GEN1: variants seen among roughly 807,000 people sequenced by gnomAD.
The protein encoded by GEN1 is flap endonuclease GEN homolog 1.
Under a neutral mutation model 67.6 loss-of-function variants are expected in GEN1, and 64 were observed. The ratio of observed to expected loss-of-function variants is 0.95; its 90% CI spans 0.77 to 1.17. The LOEUF (loss-of-function observed/expected upper bound fraction) is 1.17, where lower values mean the gene tolerates loss of function less well. GEN1 is among the 50% of genes most tolerant of loss of function. The probability of loss-of-function intolerance (pLI) is 0.00; values close to 1 mark genes in which losing one functional copy is unlikely to be tolerated. For missense variants in GEN1, 1,058 were observed against 1,048.3 expected, an observed-to-expected ratio of 1.01 and a Z score of -0.13; for synonymous variants, 371 against 359.4, an observed-to-expected ratio of 1.03 and a Z score of -0.37.
At chr2:17,756,928 G>A (rs565271777) in intron 1 of GEN1, among the ~76,000 whole-genome samples, 4 of 152,124 alleles carry the variant, frequency 2.6e-5, no homozygotes, top group South Asian at 4.2e-4. Context: ...TATCACTTCC[G>A]CGGAACAGCT....
chr2:17,776,132 A>T (rs1672416201), intron 11 of GEN1, among the ~76,000 whole-genome samples: 1 of 151,714 alleles, frequency 6.6e-6, no homozygotes, highest in African/African-American at 2.4e-5. Flanking sequence ...AAAAAAAAAA[A>T]AAAAGGAAAG....
At chr2:17,764,855 G>A (rs748416057) in intron 3 of GEN1, 42 bp from the exon 4 acceptor site, 2 of 1,567,334 alleles carry the variant, frequency 1.3e-6, no homozygotes, top group African/African-American at 2.7e-5. Context: ...AATGAGCAGT[G>A]AAAACATTCT....
At chr2:17,753,620 C>G (rs1368613814), upstream of GEN1, 1 of 152,280 alleles carries the variant, frequency 6.6e-6, no homozygotes, top group African/African-American at 2.4e-5. Context: ...CGCGCCTTCA[C>G]CCTACCGCCA....
At chr2:17,761,937 A>G (rs2125122403) in intron 3 of GEN1, among the ~76,000 whole-genome samples, 1 of 152,290 alleles carries the variant, frequency 6.6e-6, no homozygotes, top group East Asian at 1.9e-4. Flanking sequence ...CACCTTCAGG[A>G]CTTAAAGAAG....
chr2:17,754,151 C>T lies in GEN1; in HGVS notation c.-210C>T, dbSNP rs895014509. On this transcript the variant is annotated 5_prime_UTR_variant, in exon 1 of 14. In the 5' UTR this introduces an upstream ATG that the reference lacks. Coordinates refer to ENST00000381254, the MANE Select transcript of GEN1 (RefSeq NM_001130009.3). Reference sequence around the variant, plus strand: ...CGCGGGCCCGGCGCTGGATTCGAAACGCTTCCTGGTGCTCCTGGGCCTGGC... The same window carrying T: ...CGCGGGCCCGGCGCTGGATTCGAAATGCTTCCTGGTGCTCCTGGGCCTGGC... 7 of 152,100 alleles carry T rather than the reference C, an allele frequency of 4.6e-5. No homozygotes were observed. Among genetic ancestry groups the T allele is most frequent in the African/African-American group, 1.5e-4 (6 of 41,360 alleles). 9.4% of individuals were successfully genotyped at this position (152,100 alleles called of 1,614,324 possible). A position where few individuals can be genotyped will look rare whatever the true frequency, so the allele number is the denominator to read the frequency against.
chr2:17,764,823 G>C, intron 3 of GEN1, 74 bp from the exon 4 acceptor site: 1 of 1,340,734 alleles, frequency 7.5e-7, no homozygotes, highest in Non-Finnish European at 1.0e-6. Context: ...TTGTAATACA[G>C]AAATAGGTTT....
At chr2:17,760,135 A>G in intron 2 of GEN1, 31 bp downstream of exon 2, 2 of 1,593,812 alleles carry the variant, frequency 1.3e-6, no homozygotes, top group Non-Finnish European at 1.7e-6. Context: ...GTATAAATGT[A>G]TGATGTATAA....
At position 17,772,678 on chromosome 2, in the gene GEN1, A is replaced by G. The variant is rs1249918951; in HGVS notation, c.847A>G (p.Ser283Gly). The change falls in exon 8 of 14, where the codon AGT becomes GGT. Residue 283 changes from serine to glycine, a missense_variant. Ser to Gly is a moderately conservative substitution (Grantham distance 56). Coordinates refer to ENST00000381254, the MANE Select transcript of GEN1 (RefSeq NM_001130009.3). ...ACGTAATGGATGCAGATTATGTAAA[A>G]GTGATAAATATTGTGAGCCACATGA... The part of the protein sequence containing the change: ...HERNGCRLCK[S>G]DKYCEPHDYE... 1 of 1,612,226 alleles carries G rather than the reference A, an allele frequency of 6.2e-7. No homozygotes were observed. The highest frequency in any genetic ancestry group is 1.1e-5 in the South Asian group (1 of 90,912).
intron 3 of GEN1, among the ~76,000 whole-genome samples, chr2:17,763,955 A>G (rs1429735672): frequency 6.6e-6 from 1 of 152,240 alleles, no homozygotes; most frequent in Non-Finnish European, 1.5e-5. Context: ...TCTAGAAACT[A>G]CAAGTAAGTA....
intron 10 of GEN1, 106 bp from the exon 11 acceptor site, chr2:17,774,165 C>A: frequency 3.9e-6 from 2 of 506,810 alleles, no homozygotes; most frequent in Non-Finnish European, 6.5e-6. Flanking sequence ...ATTGATACTA[C>A]TTTAACTTAC....
intron 12 of GEN1, among the ~76,000 whole-genome samples, chr2:17,779,370 C>T (rs1672713660): frequency 6.6e-6 from 1 of 152,210 alleles, no homozygotes; most frequent in Admixed American, 6.5e-5. Flanking sequence ...ACCAACCTTA[C>T]CTAAACAAAG....
Position 17,781,395 on chromosome 2 carries a change from T to A in GEN1, c.2183T>A (p.Leu728Ter). The change falls in exon 14 of 14, where the codon TTG becomes TAG. Residue 728 changes from leucine to a stop codon, truncating the protein, a stop_gained. Coordinates refer to ENST00000381254, the MANE Select transcript of GEN1 (RefSeq NM_001130009.3). LOFTEE classifies it low-confidence loss of function (END_TRUNC). ...HLSKDLPGIP[L>*]QNESRDSKIL... is the part of the protein sequence containing the mutation. ...TCAAAGGATCTTCCAGGAATTCCCT[T>A]GCAAAATGAATCCAGAGACTCTAAA... The A allele has an allele frequency of 6.2e-7, 1 of 1,613,844 alleles. No individual in the cohort carries two copies.
intron 4 of GEN1, 128 bp from the exon 5 acceptor site, chr2:17,766,451 T>A (rs1236097983): frequency 8.6e-6 from 5 of 581,676 alleles, no homozygotes; most frequent in Non-Finnish European, 1.5e-5. Context: ...ATTACAGGCA[T>A]GAGCCACCAT....
chr2:17,764,806 TTAATATTTG>T, intron 3 of GEN1, 82 bp from the exon 4 acceptor site: 1 of 1,178,586 alleles, frequency 8.5e-7, no homozygotes, highest in South Asian at 1.7e-5. Context: ...ATAGCTACTA[TTAATATTTG>T]TAATACAGAA....
chr2:17,758,988 G>GA (rs1213968147), intron 1 of GEN1, among the ~76,000 whole-genome samples: 1 of 152,186 alleles, frequency 6.6e-6, no homozygotes, highest in Non-Finnish European at 1.5e-5. Context: ...GGCAATTTGA[G>GA]AAAATTTACC....
chr2:17,773,656 A>C (rs570600776), intron 10 of GEN1, among the ~76,000 whole-genome samples: 1 of 152,122 alleles, frequency 6.6e-6, no homozygotes, highest in African/African-American at 2.4e-5. Flanking sequence ...TTAATGACCT[A>C]AATTTAAATT....
rs1385027373 is a variant in GEN1, at chr2:17,778,294, G to A, written c.1264+231G>A. ...CATATATGTATATACACACACATGT[G>A]TGTGTACATATATGTATATACACAC... is the stretch of plus-strand genomic sequence containing the variant. On this transcript the variant is annotated intron_variant, in intron 12 of 13. Transcript: ENST00000381254. Among the ~76,000 whole-genome samples the A allele has an allele frequency of 3.8e-4, 48 of 125,186 alleles. 13 individuals are homozygous for A. Among genetic ancestry groups the A allele is most frequent in the African/African-American group, 1.5e-3 (46 of 30,512 alleles). The allele number at this position is 125,186 out of a possible 152,430, so 82.1% of individuals were successfully genotyped here.
intron 1 of GEN1, among the ~76,000 whole-genome samples, chr2:17,756,423 A>G (rs1671437391): frequency 6.6e-6 from 1 of 152,338 alleles, no homozygotes; most frequent in African/African-American, 2.4e-5. Context: ...TTTGATATAT[A>G]TATGTTGATT....
intron 3 of GEN1, among the ~76,000 whole-genome samples, chr2:17,764,627 A>G (rs1671836449): frequency 6.6e-6 from 1 of 152,114 alleles, no homozygotes; most frequent in South Asian, 2.1e-4. Flanking sequence ...CCTGTATTTC[A>G]TGTTTTCTAA....
Sources: gnomAD v4.1 joint callset for allele counts (sites outside exome capture counted in the v4.1 genomes callset) on GRCh38, gnomAD v4.1.1 for gene constraint, MANE v1.5 for transcripts, NCBI Gene and HGNC (gene_info 2026-07-23, HGNC 2026-07-21) for gene names.